Variants in AFG1L observed in about 807,000 individuals in gnomAD.
AFG1L encodes AFG1-like ATPase.
A neutral mutation model predicts 62.2 loss-of-function variants in AFG1L; 53 were observed. The ratio of observed to expected loss-of-function variants is 0.85; its 90% CI spans 0.68 to 1.07. The LOEUF (loss-of-function observed/expected upper bound fraction) is 1.07. Ranked by LOEUF, AFG1L falls within the 50% of genes least tolerant of loss-of-function variation. The pLI is 0.00. For synonymous variants in AFG1L, 228 were observed against 210.3 expected (o/e 1.08, Z -0.73); for missense variants, 555 against 590.5 (o/e 0.94, Z 0.62).
intron 1 of AFG1L, among the ~76,000 whole-genome samples, chr6:108,320,130 A>T (rs1343661655): frequency 1.3e-5 from 2 of 152,218 alleles, no homozygotes; most frequent in African/African-American, 2.4e-5. Context: ...TGATAAAATC[A>T]CATTTGGATT....
At chr6:108,514,561 C>T (rs1305643220) in intron 11 of AFG1L, among the ~76,000 whole-genome samples, 2 of 152,248 alleles carry the variant, frequency 1.3e-5, no homozygotes, top group African/African-American at 4.8e-5. Context: ...TTGTAAAGAC[C>T]ATCGAGCCTA....
chr6:108,448,487 G>GT (rs146011899), intron 8 of AFG1L, among the ~76,000 whole-genome samples: 6,802 of 149,198 alleles, frequency 0.046, 491 homozygotes, highest in African/African-American at 0.16. Context: ...CTTGTTCTCT[G>GT]TTTTTTTTCA....
intron 2 of AFG1L, among the ~76,000 whole-genome samples, chr6:108,327,910 A>G (rs1416315099): frequency 1.3e-5 from 2 of 152,116 alleles, no homozygotes; most frequent in Non-Finnish European, 2.9e-5. Flanking sequence ...CAGCGTAAAG[A>G]TTGGCTTACC....
intron 8 of AFG1L, among the ~76,000 whole-genome samples, chr6:108,461,728 G>T (rs1168642727): frequency 2.6e-5 from 4 of 152,108 alleles, no homozygotes; most frequent in Non-Finnish European, 5.9e-5. Flanking sequence ...CAAATTGCTG[G>T]GATTACAGGC....
In AFG1L at chr6:108,383,752, A is replaced by C. The variant is rs1352484604; in HGVS notation, c.748+17420A>C. Among the ~76,000 whole-genome samples the C allele has an allele frequency of 1.9e-4, 29 of 152,202 alleles. 1 individual carries two copies. On this transcript the variant is annotated intron_variant, in intron 6 of 12. Coordinates refer to ENST00000368977, the MANE Select transcript of AFG1L (RefSeq NM_145315.5). The stretch of plus-strand genomic sequence containing the variant: ...GGAGACAGATACAGTCGAGCATTTT[A>C]GAATTTGAAATATGCCTTCTGCTTT...
At chr6:108,464,780 AAAAC>A (rs1342329776) in intron 8 of AFG1L, among the ~76,000 whole-genome samples, 3 of 129,430 alleles carry the variant, frequency 2.3e-5, no homozygotes, top group African/African-American at 7.8e-5. Flanking sequence ...CAAAAAACAA[AAAAC>A]AAACAAAAAA....
intron 7 of AFG1L, among the ~76,000 whole-genome samples, chr6:108,434,824 A>C (rs1771232354): frequency 6.6e-6 from 1 of 152,208 alleles, no homozygotes. Context: ...CATTCTTGCT[A>C]TGCTGAACTA....
chr6:108,381,634 G>T (rs1780530112), intron 6 of AFG1L, among the ~76,000 whole-genome samples: 1 of 152,102 alleles, frequency 6.6e-6, no homozygotes, highest in East Asian at 1.9e-4. Context: ...AAAAATCCAT[G>T]ATTTGAAATT....
intron 10 of AFG1L, among the ~76,000 whole-genome samples, chr6:108,503,769 C>T (rs1383278944): frequency 6.6e-6 from 1 of 152,236 alleles, no homozygotes. Context: ...CAGAGGGCAT[C>T]TTCTTTCGAT....
chr6:108,310,995 G>A (rs992798276), intron 1 of AFG1L, among the ~76,000 whole-genome samples: 1 of 152,120 alleles, frequency 6.6e-6, no homozygotes, highest in East Asian at 1.9e-4. Context: ...ATAGTAAAAT[G>A]TGTTTCTCTG....
chr6:108,523,478 G>A lies in AFG1L; in HGVS notation c.*1053G>A, dbSNP rs926892743. ...AACTATTGTCACAAAGTGGATCTTCGGCTGTGGATGAGTGTGAAAAACAGA... is the reference window on the plus strand; with the variant it reads ...AACTATTGTCACAAAGTGGATCTTCAGCTGTGGATGAGTGTGAAAAACAGA... On this transcript the variant is annotated 3_prime_UTR_variant, in exon 13 of 13. Transcript: ENST00000368977. The A allele has an allele frequency of 3.3e-5, 5 of 152,170 alleles. No homozygotes were observed. Among genetic ancestry groups the A allele is most frequent in the South Asian group, 2.1e-4 (1 of 4,814 alleles). The allele number at this position is 152,170 out of a possible 1,614,324, so 9.4% of individuals were successfully genotyped here.
intron 7 of AFG1L, among the ~76,000 whole-genome samples, chr6:108,402,522 C>T (rs933401090): frequency 3.1e-4 from 46 of 147,220 alleles, no homozygotes; most frequent in Middle Eastern, 3.6e-3. Flanking sequence ...GGCAAAACCT[C>T]TTCTCTAGAT....
intron 11 of AFG1L, 121 bp downstream of exon 11, chr6:108,510,473 TC>T: frequency 1.4e-6 from 1 of 721,240 alleles, no homozygotes; most frequent in Non-Finnish European, 2.2e-6. Context: ...GTGCCTCCAT[TC>T]CCTCATGTGT....
chr6:108,304,448 A>G (rs1196309814), intron 1 of AFG1L, among the ~76,000 whole-genome samples: 1 of 152,222 alleles, frequency 6.6e-6, no homozygotes, highest in Non-Finnish European at 1.5e-5. Context: ...GGCTTCTGTC[A>G]TTGCAGGAGA....
intron 5 of AFG1L, among the ~76,000 whole-genome samples, chr6:108,361,409 C>T (rs889419131): frequency 2.6e-5 from 4 of 152,150 alleles, no homozygotes; most frequent in East Asian, 1.9e-4. Flanking sequence ...GCCAGTCTTT[C>T]GTCTCTGGTC....
At chr6:108,487,182 C>T (rs1369561669) in intron 10 of AFG1L, among the ~76,000 whole-genome samples, 13 of 152,214 alleles carry the variant, frequency 8.5e-5, no homozygotes, top group Non-Finnish European at 1.9e-4. Context: ...CAGGAGATAA[C>T]AATTCCAGTC....
At chr6:108,302,917 A>G (rs1289804113) in intron 1 of AFG1L, among the ~76,000 whole-genome samples, 1 of 152,116 alleles carries the variant, frequency 6.6e-6, no homozygotes, top group Non-Finnish European at 1.5e-5. Context: ...TTAATTGTTA[A>G]AAGCTGTCAA....
intron 6 of AFG1L, among the ~76,000 whole-genome samples, chr6:108,394,209 G>T (rs572533281): frequency 1.8e-4 from 26 of 145,462 alleles, no homozygotes; most frequent in African/African-American, 6.6e-4. Flanking sequence ...GGGCAATGGC[G>T]CAGTCTTGGC....
intron 10 of AFG1L, among the ~76,000 whole-genome samples, chr6:108,497,641 TAA>T (rs1397042400): frequency 6.6e-6 from 1 of 152,088 alleles, no homozygotes; most frequent in Non-Finnish European, 1.5e-5. Context: ...TTTCTGGAAA[TAA>T]GTTTTATATT....
Sources: gnomAD v4.1 joint callset for allele counts (sites outside exome capture counted in the v4.1 genomes callset) on GRCh38, gnomAD v4.1.1 for gene constraint, MANE v1.5 for transcripts, NCBI Gene and HGNC (gene_info 2026-07-23, HGNC 2026-07-21) for gene names.